The following ADAMTSL3 variants were observed in gnomAD, a reference collection of about 807,000 sequenced individuals.
The protein encoded by ADAMTSL3 is ADAMTS like 3, also known as ADAMTS-like protein 3.
ADAMTSL3 carries 128 observed loss-of-function variants against 201.7 expected under a neutral mutation model. The observed-to-expected ratio is 0.63, with a 90% CI of 0.55 to 0.73. The LOEUF is 0.73. ADAMTSL3 is among the 30% of genes least tolerant of loss of function. The pLI, the probability that ADAMTSL3 is intolerant of heterozygous loss-of-function variation, is 0.00. For synonymous variants in ADAMTSL3, 738 were observed against 748.4 expected (o/e 0.99, Z 0.23); for missense variants, 1,990 against 2,119.6 (o/e 0.94, Z 1.20).
At chr15:83,928,687 G>T (rs2066293696) in intron 17 of ADAMTSL3, among the ~76,000 whole-genome samples, 1 of 152,162 alleles carries the variant, frequency 6.6e-6, no homozygotes, top group South Asian at 2.1e-4. Context: ...GCCAAAATAT[G>T]AAACAATTTA....
chr15:83,664,274 G>T (rs572841019), intron 2 of ADAMTSL3, among the ~76,000 whole-genome samples: 5 of 145,828 alleles, frequency 3.4e-5, no homozygotes, highest in African/African-American at 5.1e-5. Context: ...TTTTCTTTTC[G>T]TTTTTTTTTT....
rs750820122 is a variant in ADAMTSL3, at chr15:83,970,650, T to C, written c.2644+13T>C. 1.6e-5 allele frequency: 26 copies of C among 1,613,080 alleles called. No homozygotes were observed. In the Admixed American group the frequency reaches 2.2e-4, roughly 13 times the overall value. ...CCTGAGTGCAGTAGTAAGTATGCGG[T>C]GTCCGCGCTTCACCAAGATATGCTG... On this transcript the variant is annotated intron_variant, in intron 20 of 29. Transcript: ENST00000286744.
At chr15:83,657,745 C>G (rs1272754539) in intron 2 of ADAMTSL3, among the ~76,000 whole-genome samples, 1 of 152,064 alleles carries the variant, frequency 6.6e-6, no homozygotes. Context: ...GTAGGGGGCA[C>G]TCAAGAGGTA....
Position 84,038,191 on chromosome 15 carries a change from T to C in ADAMTSL3, c.*385T>C, listed in dbSNP as rs561881792. Reference sequence around the variant, plus strand: ...AAAACTTGGGAAACACAGCAACCCATGACTTCCTCTTCTCTCAAGTTGCAG... The same window carrying C: ...AAAACTTGGGAAACACAGCAACCCACGACTTCCTCTTCTCTCAAGTTGCAG... On this transcript the variant is annotated 3_prime_UTR_variant, in exon 30 of 30. Transcript: ENST00000286744. 1.2e-5 allele frequency: 2 copies of C among 172,008 alleles called. No homozygotes were observed. The highest frequency in any genetic ancestry group is 3.2e-4 in the East Asian group (2 of 6,318). The allele number at this position is 172,008 out of a possible 1,614,324, so 10.7% of individuals were successfully genotyped here. A position where few individuals can be genotyped will look rare whatever the true frequency, so the allele number is the denominator to read the frequency against.
chr15:84,014,415 T>C, intron 23 of ADAMTSL3, 127 bp from the exon 24 acceptor site: 1 of 853,608 alleles, frequency 1.2e-6, no homozygotes, highest in Non-Finnish European at 1.8e-6. Flanking sequence ...ATAGCCATTT[T>C]TCCTATTATA....
chr15:83,837,302 T>C (rs1015447497), intron 6 of ADAMTSL3, among the ~76,000 whole-genome samples: 5 of 151,538 alleles, frequency 3.3e-5, no homozygotes, highest in Admixed American at 6.6e-5. Context: ...AATATAGGGA[T>C]ATAGATATTT....
intron 7 of ADAMTSL3, among the ~76,000 whole-genome samples, chr15:83,855,972 C>A (rs978332159): frequency 1.3e-5 from 2 of 152,022 alleles, no homozygotes; most frequent in African/African-American, 4.8e-5. Context: ...GATCAGGCCA[C>A]TGCACTCCAG....
At position 83,655,735 on chromosome 15, in the gene ADAMTSL3, A is replaced by G. The variant is rs766073406; in HGVS notation, c.-27A>G. ...ACTCTTTCCTCGTTTGTAGGCTACAACTGAGACCCGGAGGAGACTAGACCC... is the reference window on the plus strand; with the variant it reads ...ACTCTTTCCTCGTTTGTAGGCTACAGCTGAGACCCGGAGGAGACTAGACCC... On this transcript the variant is annotated 5_prime_UTR_variant, in exon 2 of 30. Transcript: ENST00000286744. The G allele has an allele frequency of 3.3e-5, 54 of 1,612,780 alleles. 1 individual carries two copies. In the South Asian group the frequency reaches 5.5e-4, roughly 16 times the overall value.
At chr15:83,655,469 A>G (rs2061067775) in intron 1 of ADAMTSL3, among the ~76,000 whole-genome samples, 1 of 152,234 alleles carries the variant, frequency 6.6e-6, no homozygotes, top group Admixed American at 6.5e-5. Flanking sequence ...GGGCAGGGAT[A>G]TCTCAGCTTC....
chr15:83,975,130 T>C (rs563408501), intron 20 of ADAMTSL3, among the ~76,000 whole-genome samples: 1 of 151,380 alleles, frequency 6.6e-6, no homozygotes, highest in Non-Finnish European at 1.5e-5. Context: ...GCCTCCTGAG[T>C]AGCTGGGACT....
At chr15:83,832,111 G>A (rs1264755517) in intron 6 of ADAMTSL3, among the ~76,000 whole-genome samples, 1 of 152,138 alleles carries the variant, frequency 6.6e-6, no homozygotes, top group Non-Finnish European at 1.5e-5. Flanking sequence ...GTATGGGAAT[G>A]GACAGGAAGG....
chr15:83,872,062 G>A (rs1263548524), intron 9 of ADAMTSL3, among the ~76,000 whole-genome samples: 2 of 152,208 alleles, frequency 1.3e-5, no homozygotes, highest in Admixed American at 6.5e-5. Flanking sequence ...TCAGCCTGCA[G>A]TGGGACTGGC....
rs888960080 is a variant in ADAMTSL3 at position 84,003,116 on chromosome 15, AT to A, written c.3974-11415del. The stretch of plus-strand genomic sequence containing the variant: ...AGCCATGCACCACCACATCTGACTA[AT>A]TTTTTTTTTTCTTGTAGAGACAGAG... On this transcript the variant is annotated intron_variant, in intron 23 of 29. Coordinates refer to ENST00000286744, the MANE Select transcript of ADAMTSL3 (RefSeq NM_207517.3). Among the ~76,000 whole-genome samples the A allele has an allele frequency of 2.6e-3, 378 of 144,172 alleles. 4 individuals are homozygous for A. The highest frequency in any genetic ancestry group is 1.7e-3 in the Admixed American group (24 of 14,542). The allele number at this position is 144,172 out of a possible 152,430, so 94.6% of individuals were successfully genotyped here.
intron 7 of ADAMTSL3, among the ~76,000 whole-genome samples, chr15:83,857,353 C>CTG (rs745450494): frequency 2.0e-5 from 3 of 152,058 alleles, no homozygotes; most frequent in Non-Finnish European, 4.4e-5. Context: ...CATGTGTTTC[C>CTG]TGTGCTTTTA....
chr15:83,820,267 G>T (rs559920666), intron 6 of ADAMTSL3, among the ~76,000 whole-genome samples: 6 of 152,248 alleles, frequency 3.9e-5, no homozygotes, highest in Admixed American at 2.6e-4. Context: ...TAGTATAGAT[G>T]AGGTTTCATT....
At chr15:83,907,097 GA>G (rs765994439) in intron 15 of ADAMTSL3, among the ~76,000 whole-genome samples, 23,349 of 74,216 alleles carry the variant, frequency 0.31, 2,034 homozygotes, top group East Asian at 0.36. Flanking sequence ...CTGTCTCTGG[GA>G]AAAAAAAAAA....
intron 5 of ADAMTSL3, among the ~76,000 whole-genome samples, chr15:83,809,396 T>C (rs1185443946): frequency 2.0e-5 from 3 of 152,112 alleles, no homozygotes; most frequent in African/African-American, 7.2e-5. Flanking sequence ...CACCCAAGCA[T>C]CCTGTTACAA....
At chr15:83,780,536 C>G (rs902595441) in intron 4 of ADAMTSL3, among the ~76,000 whole-genome samples, 2 of 152,014 alleles carry the variant, frequency 1.3e-5, no homozygotes, top group Non-Finnish European at 2.9e-5. Flanking sequence ...GGAAGCATTC[C>G]CCTTGAATAC....
chr15:83,710,121 G>C (rs1279441784), intron 3 of ADAMTSL3, among the ~76,000 whole-genome samples: 1 of 152,138 alleles, frequency 6.6e-6, no homozygotes, highest in Non-Finnish European at 1.5e-5. Context: ...ATTAACCAAG[G>C]ATAATCCCAC....
Sources: allele counts gnomAD v4.1 joint callset (sites outside exome capture counted in the v4.1 genomes callset), GRCh38; gene constraint gnomAD v4.1.1; transcripts MANE v1.5; gene names NCBI Gene and HGNC (gene_info 2026-07-23, HGNC 2026-07-21).